Variants in CTXN2 observed in about 807,000 individuals in gnomAD.
The protein encoded by CTXN2 is cortexin 2, also known as cortexin-2.
A neutral mutation model predicts 5.7 loss-of-function variants in CTXN2; 3 were observed. That is an observed-to-expected ratio of 0.53 (90% CI 0.24 to 1.36). CTXN2 has a LOEUF of 1.36. Among genes scored for constraint, CTXN2 ranks in the 40% most tolerant of loss-of-function variants. The pLI is 0.17. For synonymous variants in CTXN2, 38 were observed against 36.4 expected, an observed-to-expected ratio of 1.04 and a Z score of -0.16; for missense variants, 87 against 93.0, an observed-to-expected ratio of 0.94 and a Z score of 0.26.
At chr15:48,193,548 T>TC (rs1426016578) in intron 1 of CTXN2, among the ~76,000 whole-genome samples, 1 of 152,072 alleles carries the variant, frequency 6.6e-6, no homozygotes, top group Non-Finnish European at 1.5e-5. Context: ...TCTTTTTTTT[T>TC]CTATTTCCCA....
chr15:48,192,295 G>A (rs756658135), intron 1 of CTXN2: 2 of 156,282 alleles, frequency 1.3e-5, no homozygotes, highest in Admixed American at 6.2e-5. Flanking sequence ...GAGTGTCAGA[G>A]TCCTTGAGCC....
chr15:48,201,496 G>T lies in CTXN2; in HGVS notation c.196G>T (p.Asp66Tyr). 1 of 1,551,244 alleles carries T rather than the reference G, an allele frequency of 6.4e-7. No individual in the cohort carries two copies. Residue 66 changes from aspartate to tyrosine, a missense_variant, in exon 2 of 2, where the codon GAT becomes TAT. Coordinates refer to ENST00000417307, the MANE Select transcript of CTXN2 (RefSeq NM_001145668.2). ...YSSMPSSTWEDEVEEFDKGTF... is the reference protein window; with the variant it reads ...YSSMPSSTWEYEVEEFDKGTF... Reference sequence around the variant, plus strand: ...TAGCATGCCTTCCTCTACATGGGAAGATGAAGTTGAAGAGTTTGATAAAGG... The same window carrying T: ...TAGCATGCCTTCCTCTACATGGGAATATGAAGTTGAAGAGTTTGATAAAGG...
intron 1 of CTXN2, among the ~76,000 whole-genome samples, chr15:48,184,894 G>A (rs1235747304): frequency 3.3e-5 from 5 of 152,146 alleles, no homozygotes; most frequent in East Asian, 1.9e-4. Flanking sequence ...GGAAGTAACC[G>A]AGATATCTTT....
intron 1 of CTXN2, chr15:48,192,090 G>A (rs1190883299): frequency 6.6e-6 from 2 of 304,990 alleles, no homozygotes; most frequent in Non-Finnish European, 1.3e-5. Context: ...CCAGGCGGGG[G>A]AAAAGTGTTG....
chr15:48,183,380 G>T (rs2040717906), intron 1 of CTXN2, among the ~76,000 whole-genome samples: 2 of 152,294 alleles, frequency 1.3e-5, no homozygotes, highest in South Asian at 4.1e-4. Context: ...GGCATTATAG[G>T]CTGGCTTATA....
rs532980103 is a variant in CTXN2, at chr15:48,179,870, T to A, written c.-455+1470T>A. Among the ~76,000 whole-genome samples the A allele has an allele frequency of 2.0e-5, 3 of 152,320 alleles. No homozygotes were observed. The South Asian group carries it at 6.2e-4, about 32-fold the overall frequency. On this transcript the variant is annotated intron_variant, in intron 1 of 2. Transcript: ENST00000644354. ...AGTCATCATTCTGTTATTCTTTTGCTATTGTTGAATTCAGTATGAAAATTG... is the reference window on the plus strand; with the variant it reads ...AGTCATCATTCTGTTATTCTTTTGCAATTGTTGAATTCAGTATGAAAATTG...
intron 1 of CTXN2, 58 bp downstream of exon 1, chr15:48,191,911 A>G: frequency 2.3e-6 from 1 of 441,744 alleles, no homozygotes; most frequent in South Asian, 1.6e-5. Context: ...ATTAACTGAC[A>G]GCGTTCCAAA....
upstream of CTXN2, chr15:48,189,910 G>C (rs915393458): frequency 1.3e-5 from 2 of 152,332 alleles, no homozygotes; most frequent in African/African-American, 4.8e-5. Context: ...CTGAGTTCAA[G>C]TGATTCTCCT....
At chr15:48,197,749 T>C (rs2040893405) in intron 1 of CTXN2, among the ~76,000 whole-genome samples, 1 of 152,136 alleles carries the variant, frequency 6.6e-6, no homozygotes, top group African/African-American at 2.4e-5. Flanking sequence ...AGAGTGCTTA[T>C]AAATTATGTT....
chr15:48,197,369 C>T lies in CTXN2; in HGVS notation c.-57-3875C>T, dbSNP rs935360422. ...CCACCATCATTCTCTTTCTACTTAACGTGCTTTGCTTTCTTTCATAGCCTT... is the reference window on the plus strand; with the variant it reads ...CCACCATCATTCTCTTTCTACTTAATGTGCTTTGCTTTCTTTCATAGCCTT... On this transcript the variant is annotated intron_variant, in intron 1 of 1. Coordinates refer to ENST00000417307, the MANE Select transcript of CTXN2 (RefSeq NM_001145668.2). Among the ~76,000 whole-genome samples the T allele has an allele frequency of 8.5e-5, 13 of 152,154 alleles. 1 individual carries two copies. The highest frequency in any genetic ancestry group is 1.9e-4 in the East Asian group (1 of 5,180).
chr15:48,201,110 G>A, intron 1 of CTXN2, 134 bp from the exon 2 acceptor site: 1 of 596,322 alleles, frequency 1.7e-6, no homozygotes, highest in East Asian at 2.8e-5. Context: ...ATTCCAATCT[G>A]TATCTGATGA....
intron 1 of CTXN2, among the ~76,000 whole-genome samples, chr15:48,183,385 C>T (rs1170189444): frequency 6.6e-6 from 1 of 152,094 alleles, no homozygotes; most frequent in Admixed American, 6.5e-5. Flanking sequence ...TATAGGCTGG[C>T]TTATAAAGCA....
chr15:48,198,951 G>C (rs2040904067), intron 1 of CTXN2, among the ~76,000 whole-genome samples: 1 of 152,160 alleles, frequency 6.6e-6, no homozygotes, highest in South Asian at 2.1e-4. Context: ...GATGTCAATT[G>C]TTAAAGGTTG....
At chr15:48,198,859 A>G (rs2140987982) in intron 1 of CTXN2, among the ~76,000 whole-genome samples, 1 of 152,328 alleles carries the variant, frequency 6.6e-6, no homozygotes, top group South Asian at 2.1e-4. Flanking sequence ...TAATCAGTTT[A>G]GGCTACTGCT....
intron 1 of CTXN2, among the ~76,000 whole-genome samples, chr15:48,193,582 C>T (rs1423554519): frequency 1.3e-5 from 2 of 151,664 alleles, no homozygotes. Context: ...TAAAATGATG[C>T]TTCTCTGGAG....
At chr15:48,185,640 A>G (rs981973709) in intron 1 of CTXN2, among the ~76,000 whole-genome samples, 1 of 152,240 alleles carries the variant, frequency 6.6e-6, no homozygotes, top group Non-Finnish European at 1.5e-5. Flanking sequence ...AGAACTTCAC[A>G]AATTTGTTTG....
At chr15:48,179,519 T>C (rs573603341) in intron 1 of CTXN2, among the ~76,000 whole-genome samples, 1 of 152,274 alleles carries the variant, frequency 6.6e-6, no homozygotes, top group South Asian at 2.1e-4. Flanking sequence ...CATTCAACTC[T>C]GAGACATAAG....
chr15:48,197,610 T>C (rs562547142), intron 1 of CTXN2, among the ~76,000 whole-genome samples: 58 of 152,166 alleles, frequency 3.8e-4, no homozygotes, highest in Middle Eastern at 3.4e-3. Context: ...AAAATATTAT[T>C]ATATGTTACC....
rs1387079370 is a variant in CTXN2, at chr15:48,201,369, G to A, written c.69G>A (p.Leu23=). 6.4e-7 allele frequency: 1 copy of A among 1,551,382 alleles called. No individual in the cohort carries two copies. The highest frequency in any genetic ancestry group is 1.2e-5 in the South Asian group (1 of 84,048). ...TCAACGAAGTATCAGCTTTCTCATTGACTCTGGAGCAAAAAACTGGCTTTG... is the reference window on the plus strand; with the variant it reads ...TCAACGAAGTATCAGCTTTCTCATTAACTCTGGAGCAAAAAACTGGCTTTG... ...MSVNEVSAFS[L]TLEQKTGFAF... Residue 23 remains leucine, a synonymous_variant, in exon 2 of 2, where the codon TTG becomes TTA. Coordinates refer to ENST00000417307, the MANE Select transcript of CTXN2 (RefSeq NM_001145668.2).
Sources: allele counts gnomAD v4.1 joint callset (sites outside exome capture counted in the v4.1 genomes callset), GRCh38; gene constraint gnomAD v4.1.1; transcripts MANE v1.5; gene names NCBI Gene and HGNC (gene_info 2026-07-23, HGNC 2026-07-21).